SHTN1: variants seen among roughly 807,000 people sequenced by gnomAD.
SHTN1 encodes shootin-1.
Under a neutral mutation model 83.1 loss-of-function variants are expected in SHTN1, and 42 were observed. The ratio of observed to expected loss-of-function variants is 0.51; its 90% CI spans 0.39 to 0.65. The LOEUF is 0.65. Among genes scored for constraint, SHTN1 ranks in the 30% least tolerant of loss-of-function variants. The probability of loss-of-function intolerance (pLI) is 0.00; values close to 1 mark genes in which losing one functional copy is unlikely to be tolerated. For missense variants in SHTN1, 622 were observed against 737.8 expected (o/e 0.84, Z 1.82); for synonymous variants, 224 against 247.7 (o/e 0.90, Z 0.90).
intron 1 of SHTN1, among the ~76,000 whole-genome samples, chr10:117,114,855 A>G (rs1441368860): frequency 6.6e-6 from 1 of 152,162 alleles, no homozygotes; most frequent in Non-Finnish European, 1.5e-5. Flanking sequence ...AATTCTTCCA[A>G]GCTGCTCAAG....
chr10:117,002,074 T>G (rs7101193), intron 1 of SHTN1, among the ~76,000 whole-genome samples: 8,880 of 152,294 alleles, frequency 0.058, 850 homozygotes, highest in African/African-American at 0.2. Context: ...TAGCCAGAGT[T>G]GACCAATGTG....
intron 1 of SHTN1, among the ~76,000 whole-genome samples, chr10:117,086,278 T>C (rs1853351679): frequency 6.6e-6 from 1 of 152,220 alleles, no homozygotes; most frequent in Non-Finnish European, 1.5e-5. Flanking sequence ...TTTTGACTAG[T>C]AGAGCACAGC....
intron 16 of SHTN1, among the ~76,000 whole-genome samples, chr10:116,894,358 T>A (rs1396874039): frequency 1.3e-5 from 2 of 152,234 alleles, no homozygotes; most frequent in Non-Finnish European, 2.9e-5. Flanking sequence ...TTTTGTTTTT[T>A]AAATTCTTCT....
At chr10:117,056,606 T>A (rs188649050) in intron 1 of SHTN1, among the ~76,000 whole-genome samples, 4 of 152,100 alleles carry the variant, frequency 2.6e-5, no homozygotes, top group African/African-American at 9.6e-5. Flanking sequence ...GGTCAGGAGA[T>A]CAAGATCATC....
At chr10:117,098,597 TCCA>T (rs969288696) in intron 1 of SHTN1, among the ~76,000 whole-genome samples, 10 of 152,054 alleles carry the variant, frequency 6.6e-5, no homozygotes, top group Admixed American at 6.6e-5. Context: ...TTTCAAACTG[TCCA>T]CCACTTGTAA....
intron 3 of SHTN1, among the ~76,000 whole-genome samples, chr10:116,966,006 T>A: frequency 6.6e-6 from 1 of 152,070 alleles, no homozygotes; most frequent in Non-Finnish European, 1.5e-5. Context: ...TTATTTTTTT[T>A]GTTTTTTTGG....
At chr10:117,077,008 G>C (rs1842948606) in intron 1 of SHTN1, among the ~76,000 whole-genome samples, 1 of 152,096 alleles carries the variant, frequency 6.6e-6, no homozygotes, top group African/African-American at 2.4e-5. Flanking sequence ...ACTTTCACTG[G>C]TATATTTACA....
At chr10:117,086,198 GTGAGCCACCGCGTCCATCA>G (rs1226219470) in intron 1 of SHTN1, among the ~76,000 whole-genome samples, 2 of 152,126 alleles carry the variant, frequency 1.3e-5, no homozygotes, top group Non-Finnish European at 2.9e-5. Context: ...GATTACAGGC[GTGAGCCACCGCGTCCATCA>G]TGAGCCACCG....
At chr10:117,078,657 C>A (rs1251473363) in intron 1 of SHTN1, among the ~76,000 whole-genome samples, 3 of 152,202 alleles carry the variant, frequency 2.0e-5, no homozygotes, top group Non-Finnish European at 1.5e-5. Context: ...ATTACACACA[C>A]TAGACCACTA....
chr10:116,974,051 G>T (rs7083142), intron 2 of SHTN1: 32 of 1,065,852 alleles, frequency 3.0e-5, no homozygotes, highest in Non-Finnish European at 3.7e-5. Context: ...TTTCTCTTTT[G>T]GTGTTCTTCT....
At chr10:116,894,298 G>T (rs1434133047) in intron 16 of SHTN1, among the ~76,000 whole-genome samples, 1 of 152,180 alleles carries the variant, frequency 6.6e-6, no homozygotes, top group Non-Finnish European at 1.5e-5. Flanking sequence ...GGTTTCACTG[G>T]AAATGAACAT....
At chr10:117,096,719 G>A (rs571385627) in intron 1 of SHTN1, among the ~76,000 whole-genome samples, 2 of 152,228 alleles carry the variant, frequency 1.3e-5, no homozygotes, top group South Asian at 2.1e-4. Flanking sequence ...CTCCGGAGCC[G>A]CCACCAGGCT....
intron 1 of SHTN1, among the ~76,000 whole-genome samples, chr10:117,076,648 A>G (rs977929862): frequency 4.6e-5 from 7 of 152,242 alleles, no homozygotes; most frequent in African/African-American, 1.7e-4. Flanking sequence ...AAGAGATTTC[A>G]TCATTTCAAA....
chr10:116,914,700 A>T (rs1848319886), intron 13 of SHTN1, among the ~76,000 whole-genome samples: 1 of 152,118 alleles, frequency 6.6e-6, no homozygotes, highest in African/African-American at 2.4e-5. Flanking sequence ...AACAATGTTT[A>T]AAACTATTAT....
At position 116,901,833 on chromosome 10, in the gene SHTN1, G is replaced by T; in HGVS notation, c.1605C>A (p.Pro535=). ...GCCCTTCACCTGGCTCAGGTGTTGG[G>T]GGGGACGGGCTGTTGAATTCTGCCT... is the stretch of plus-strand genomic sequence containing the variant. ...TLEAEFNSPS[P]PTPEPGEGPR... Residue 535 remains proline, a synonymous_variant, in exon 16 of 17, where the codon CCC becomes CCA. Transcript: ENST00000355371. The T allele has an allele frequency of 1.2e-6, 2 of 1,604,558 alleles. No individual in the cohort carries two copies. Among genetic ancestry groups the T allele is most frequent in the Non-Finnish European group, 1.7e-6 (2 of 1,177,358 alleles).
chr10:117,033,500 C>T (rs1852450348), intron 2 of SHTN1, among the ~76,000 whole-genome samples: 1 of 152,070 alleles, frequency 6.6e-6, no homozygotes, highest in Non-Finnish European at 1.5e-5. Context: ...AAAACCTGAA[C>T]AGACCAAATA....
chr10:117,125,620 T>A (rs1853992393), intron 1 of SHTN1, among the ~76,000 whole-genome samples: 1 of 152,148 alleles, frequency 6.6e-6, no homozygotes, highest in Admixed American at 6.5e-5. Flanking sequence ...ATCTTACACC[T>A]CTACTCGATG....
intron 11 of SHTN1, among the ~76,000 whole-genome samples, chr10:116,924,226 T>C (rs1262383877): frequency 6.6e-6 from 1 of 152,166 alleles, no homozygotes; most frequent in East Asian, 1.9e-4. Flanking sequence ...TGAATCTACT[T>C]GTTACCACTC....
rs555875692 is a variant in SHTN1, at chr10:116,904,072, T to C, written c.1481-2115A>G. 2.6e-5 allele frequency among the ~76,000 whole-genome samples: 4 copies of C among 152,318 alleles called. No individual in the cohort carries two copies. In the South Asian group the frequency reaches 6.2e-4, roughly 24 times the overall value. ...GGCAGATAACCATTAACCTGAGATC[T>C]TAGCTCTGCAAACTCTCAGGCTGTC... On this transcript the variant is annotated intron_variant, in intron 15 of 16. Transcript: ENST00000355371.
Sources: gnomAD v4.1 joint callset for allele counts (sites outside exome capture counted in the v4.1 genomes callset) on GRCh38, gnomAD v4.1.1 for gene constraint, MANE v1.5 for transcripts, NCBI Gene and HGNC (gene_info 2026-07-23, HGNC 2026-07-21) for gene names.